Variants in UBA6 observed in about 807,000 individuals in gnomAD.
The protein encoded by UBA6 is ubiquitin-like modifier-activating enzyme 6.
A neutral mutation model predicts 148.3 loss-of-function variants in UBA6; 87 were observed. The ratio of observed to expected loss-of-function variants is 0.59; its 90% CI spans 0.49 to 0.70. The LOEUF (loss-of-function observed/expected upper bound fraction) is 0.70. Ranked by LOEUF, UBA6 falls within the 30% of genes least tolerant of loss-of-function variation. UBA6 has a pLI of 0.00. For synonymous variants in UBA6, 376 were observed against 401.0 expected (o/e 0.94, Z 0.75); for missense variants, 1,186 against 1,241.2 (o/e 0.96, Z 0.67).
intron 30 of UBA6, 69 bp from the exon 31 acceptor site, chr4:67,623,291 A>AC (rs1728794276): frequency 8.8e-7 from 1 of 1,137,516 alleles, no homozygotes; most frequent in Non-Finnish European, 1.3e-6. Flanking sequence ...CACACACACA[A>AC]AAAAAACCCA....
intron 32 of UBA6, among the ~76,000 whole-genome samples, chr4:67,621,626 A>C (rs1167280271): frequency 6.6e-6 from 1 of 152,178 alleles, no homozygotes; most frequent in East Asian, 1.9e-4. Flanking sequence ...CAACATGGTG[A>C]AATCCGTCTC....
chr4:67,640,980 T>C (rs867198213), intron 18 of UBA6, among the ~76,000 whole-genome samples, 171 bp downstream of exon 18: 20 of 152,316 alleles, frequency 1.3e-4, no homozygotes, highest in Admixed American at 2.6e-4. Flanking sequence ...CAAAAATCAA[T>C]ATTGTGCATT....
intron 10 of UBA6, 75 bp downstream of exon 10, chr4:67,665,114 T>C: frequency 1.3e-6 from 1 of 790,614 alleles, no homozygotes; most frequent in Non-Finnish European, 2.0e-6. Flanking sequence ...TTTGGTTAAC[T>C]GAGTAGTTAT....
At chr4:67,695,323 C>G (rs1730808715) in intron 2 of UBA6, among the ~76,000 whole-genome samples, 1 of 152,176 alleles carries the variant, frequency 6.6e-6, no homozygotes, top group South Asian at 2.1e-4. Context: ...GCTCTCATTT[C>G]AGAGATTTTA....
chr4:67,661,520 A>C (rs946980833), intron 13 of UBA6: 1 of 153,700 alleles, frequency 6.5e-6, no homozygotes, highest in Non-Finnish European at 1.4e-5. Flanking sequence ...CTCCCCAACC[A>C]TGAGGAACTG....
chr4:67,673,816 T>C, intron 6 of UBA6, 39 bp from the exon 7 acceptor site: 2 of 1,435,470 alleles, frequency 1.4e-6, no homozygotes, highest in Non-Finnish European at 1.9e-6. Flanking sequence ...AGAAAATACA[T>C]AATTATTTTT....
intron 9 of UBA6, among the ~76,000 whole-genome samples, chr4:67,666,969 T>A (rs1407742991): frequency 6.6e-6 from 1 of 152,208 alleles, no homozygotes; most frequent in Non-Finnish European, 1.5e-5. Flanking sequence ...AAGTAGCAAT[T>A]TATAAATGTT....
At position 67,633,389 on chromosome 4, in the gene UBA6, C is replaced by T; in HGVS notation, c.2098G>A (p.Val700Ile). The T allele has an allele frequency of 6.2e-7, 1 of 1,609,032 alleles. No individual in the cohort carries two copies. The highest frequency in any genetic ancestry group is 2.2e-5 in the East Asian group (1 of 44,674). Residue 700 changes from valine (V) to isoleucine (I), a missense_variant, in exon 23 of 33, where the codon GTA (valine) becomes ATA (isoleucine). By Grantham distance (29) the Val-to-Ile change is conservative. Coordinates refer to ENST00000322244, the MANE Select transcript of UBA6 (RefSeq NM_018227.6). ...TCAAACTTTAATCTTGCTAATTCTACACACTGGGACCAATTTCTAGGTCTT... is the reference window on the plus strand; with the variant it reads ...TCAAACTTTAATCTTGCTAATTCTATACACTGGGACCAATTTCTAGGTCTT... ...SRRPRNWSQCVELARLKFEKY... is the reference protein window; with the variant it reads ...SRRPRNWSQCIELARLKFEKY...
chr4:67,635,772 G>A (rs1712483699), intron 19 of UBA6, among the ~76,000 whole-genome samples: 1 of 96,070 alleles, frequency 1.0e-5, no homozygotes, highest in Admixed American at 1.0e-4. Context: ...CTAAATCTGG[G>A]GCTTTCTTAA....
chr4:67,661,151 C>T (rs1729841624), intron 13 of UBA6, among the ~76,000 whole-genome samples: 1 of 152,106 alleles, frequency 6.6e-6, no homozygotes, highest in Admixed American at 6.5e-5. Flanking sequence ...AGACTTTGGA[C>T]ATGGACTTCT....
chr4:67,649,177 G>C lies in UBA6; in HGVS notation c.1139C>G (p.Ser380Cys), dbSNP rs1275471262. Residue 380 changes from serine (S) to cysteine (C), a missense_variant, in exon 14 of 33, where the codon TCT becomes TGT. Ser to Cys is a moderately radical substitution (Grantham distance 112). Transcript: ENST00000322244. ...AGATAAAAAGCCTTGGGCAGTCCAA[G>C]AGAGCCAATGCACAATGTCAGCATT... is the stretch of plus-strand genomic sequence containing the variant. ...DVNADIVHWL[S>C]WTAQGFLSPL... is the part of the protein sequence containing the mutation. 1 of 1,612,688 alleles carries C rather than the reference G, an allele frequency of 6.2e-7. No homozygotes were observed. Among genetic ancestry groups the C allele is most frequent in the Non-Finnish European group, 8.5e-7 (1 of 1,179,538 alleles).
chr4:67,654,633 G>A (rs551629556), intron 13 of UBA6, among the ~76,000 whole-genome samples: 16 of 151,942 alleles, frequency 1.1e-4, no homozygotes, highest in African/African-American at 3.1e-4. Flanking sequence ...ATCAATTAAC[G>A]GGCAAAAAAA....
chr4:67,678,783 A>G (rs1730353030), intron 4 of UBA6, among the ~76,000 whole-genome samples: 1 of 152,190 alleles, frequency 6.6e-6, no homozygotes, highest in Admixed American at 6.5e-5. Flanking sequence ...GAGGTGAATG[A>G]GCGACTCTCA....
Position 67,625,035 on chromosome 4 carries a change from T to A in UBA6, c.2671A>T (p.Ile891Leu). The change falls in exon 29 of 33, where the codon ATA (isoleucine) becomes TTA (leucine). Residue 891 changes from isoleucine to leucine, a missense_variant. By Grantham distance (5) the Ile-to-Leu change is conservative (BLOSUM62 2). Coordinates refer to ENST00000322244, the MANE Select transcript of UBA6 (RefSeq NM_018227.6). ...GCAGTGGTTGTTGCTATAGCAGGTA[T>A]AATTTTACCAGCTATGCGCTTTGTT... ...FKTKRIAGKI[I>L]PAIATTTATV... The A allele has an allele frequency of 6.2e-7, 1 of 1,611,726 alleles. No homozygotes were observed. The highest frequency in any genetic ancestry group is 8.5e-7 in the Non-Finnish European group (1 of 1,178,320).
At chr4:67,628,145 A>T (rs1262843643) in intron 27 of UBA6, among the ~76,000 whole-genome samples, 2 of 151,770 alleles carry the variant, frequency 1.3e-5, no homozygotes, top group Non-Finnish European at 2.9e-5. Flanking sequence ...GCGTTTTACT[A>T]CATCTTTTAA....
At position 67,677,635 on chromosome 4, in the gene UBA6, A is replaced by T. The variant is rs762543019; in HGVS notation, c.441T>A (p.Asp147Glu). 1.3e-6 allele frequency: 2 copies of T among 1,588,714 alleles called. No individual in the cohort carries two copies. Among genetic ancestry groups the T allele is most frequent in the Non-Finnish European group, 1.7e-6 (2 of 1,160,012 alleles). ...SSSVPFNETT[D>E]LSFLDKYQCV... is the part of the protein sequence containing the mutation. The stretch of plus-strand genomic sequence containing the variant: ...CCTGGTATTTATCTAAAAAGGAGAG[A>T]TCTGTGGTCTCATTGAAAGGAACAG... Residue 147 changes from aspartate (D) to glutamate (E), a missense_variant, in exon 6 of 33, where the codon GAT (aspartate) becomes GAA (glutamate). Asp to Glu is a conservative substitution (Grantham distance 45). Transcript: ENST00000322244.
chr4:67,671,525 G>A (rs958834398), intron 7 of UBA6, among the ~76,000 whole-genome samples: 37 of 151,240 alleles, frequency 2.4e-4, no homozygotes, highest in Admixed American at 2.4e-3. Context: ...TATAAATTAC[G>A]TAAACAAAGG....
chr4:67,652,386 A>C (rs187146258), intron 13 of UBA6, among the ~76,000 whole-genome samples: 109 of 152,358 alleles, frequency 7.2e-4, no homozygotes, highest in African/African-American at 2.5e-3. Context: ...CCAAAATGAG[A>C]TACTACCACA....
intron 13 of UBA6, among the ~76,000 whole-genome samples, chr4:67,656,080 C>T (rs138403655): frequency 0.018 from 2,780 of 152,198 alleles, 92 homozygotes; most frequent in African/African-American, 0.063. Flanking sequence ...CAGGACCAGA[C>T]GGATTCAAAG....
Sources: gnomAD v4.1 joint callset for allele counts (sites outside exome capture counted in the v4.1 genomes callset) on GRCh38, gnomAD v4.1.1 for gene constraint, MANE v1.5 for transcripts, NCBI Gene and HGNC (gene_info 2026-07-23, HGNC 2026-07-21) for gene names.